Variants in SSBP2 observed in about 807,000 individuals in gnomAD.
SSBP2 encodes single-stranded DNA-binding protein 2.
A neutral mutation model predicts 61.8 loss-of-function variants in SSBP2; 17 were observed. The observed-to-expected ratio is 0.28, with a 90% CI of 0.19 to 0.41. The LOEUF is 0.41. Among genes scored for constraint, SSBP2 ranks in the 10% least tolerant of loss-of-function variants. SSBP2 has a pLI of 1.00. For missense variants in SSBP2, 310 were observed against 458.7 expected (o/e 0.68, Z 2.96); for synonymous variants, 139 against 141.3 (o/e 0.98, Z 0.12).
chr5:81,643,895 G>A (rs1057097964), intron 2 of SSBP2, among the ~76,000 whole-genome samples: 1 of 152,022 alleles, frequency 6.6e-6, no homozygotes, highest in Non-Finnish European at 1.5e-5. Flanking sequence ...GAGCCACCGC[G>A]CCTGGCCCAA....
intron 4 of SSBP2, among the ~76,000 whole-genome samples, chr5:81,592,193 C>T (rs1203527872): frequency 1.3e-5 from 2 of 152,228 alleles, no homozygotes; most frequent in African/African-American, 4.8e-5. Context: ...TTATATCCCG[C>T]ACTTGGCTCG....
intron 10 of SSBP2, among the ~76,000 whole-genome samples, chr5:81,456,509 C>A (rs576178888): frequency 6.6e-6 from 1 of 151,150 alleles, no homozygotes; most frequent in East Asian, 1.9e-4. Context: ...GTTGGTGTTC[C>A]GGACCTTGTA....
intron 4 of SSBP2, among the ~76,000 whole-genome samples, chr5:81,578,869 C>T (rs1774433093): frequency 6.6e-6 from 1 of 151,742 alleles, no homozygotes. Context: ...TAACAAAATG[C>T]CACACTCCCT....
chr5:81,719,585 G>A (rs1447085617), intron 1 of SSBP2, among the ~76,000 whole-genome samples: 17 of 152,124 alleles, frequency 1.1e-4, no homozygotes, highest in Admixed American at 1.1e-3. Flanking sequence ...ATGTACCCAG[G>A]TTTTGTTTTC....
chr5:81,583,543 T>C (rs907217972), intron 4 of SSBP2, among the ~76,000 whole-genome samples: 3 of 147,164 alleles, frequency 2.0e-5, no homozygotes, highest in African/African-American at 5.1e-5. Context: ...GGCAGGAGAA[T>C]GGCATGAACC....
intron 1 of SSBP2, among the ~76,000 whole-genome samples, chr5:81,666,897 T>C (rs778117542): frequency 6.6e-6 from 1 of 152,194 alleles, no homozygotes; most frequent in Non-Finnish European, 1.5e-5. Context: ...TTAATACTTG[T>C]TGACTAACCT....
chr5:81,446,990 T>C (rs1433205120), intron 11 of SSBP2, 68 bp from the exon 12 acceptor site: 12 of 1,106,606 alleles, frequency 1.1e-5, no homozygotes, highest in Middle Eastern at 2.0e-4. Context: ...GTTAGACTTA[T>C]ATCTATAATA....
chr5:81,692,078 T>C (rs1357400927), intron 1 of SSBP2, among the ~76,000 whole-genome samples: 1 of 152,226 alleles, frequency 6.6e-6, no homozygotes, highest in Admixed American at 6.5e-5. Flanking sequence ...TATCCTTGTC[T>C]GCAGATGACT....
intron 2 of SSBP2, among the ~76,000 whole-genome samples, chr5:81,640,596 TAAG>T (rs1208771500): frequency 2.6e-5 from 4 of 152,100 alleles, no homozygotes; most frequent in African/African-American, 9.7e-5. Flanking sequence ...TCATAAAAAA[TAAG>T]AAATAATATT....
Position 81,717,176 on chromosome 5 carries a change from C to T in SSBP2, c.62+33805G>A, listed in dbSNP as rs376968552. Among the ~76,000 whole-genome samples, 401 of 152,164 alleles carry T rather than the reference C, an allele frequency of 2.6e-3. 2 individuals are homozygous for T. The highest frequency in any genetic ancestry group is 9.3e-3 in the African/African-American group (386 of 41,496). ...GATCCTGACCACTTGTTACCAGGGC[C>T]GTTTGTCAGGGTTGTGTCTGCTATG... On this transcript the variant is annotated intron_variant, in intron 1 of 16. Transcript: ENST00000320672.
intron 4 of SSBP2, among the ~76,000 whole-genome samples, chr5:81,601,576 C>G (rs1744364148): frequency 1.3e-5 from 2 of 152,090 alleles, no homozygotes; most frequent in Non-Finnish European, 2.9e-5. Context: ...TGAGATCTCT[C>G]TGTATTATTT....
At chr5:81,540,057 A>G (rs564444630) in intron 4 of SSBP2, among the ~76,000 whole-genome samples, 3 of 152,196 alleles carry the variant, frequency 2.0e-5, no homozygotes, top group South Asian at 4.1e-4. Flanking sequence ...CCATGTCCCT[A>G]CAAAGGACAT....
chr5:81,668,213 C>T (rs1009530953), intron 1 of SSBP2, among the ~76,000 whole-genome samples: 1 of 136,288 alleles, frequency 7.3e-6, no homozygotes, highest in Non-Finnish European at 1.5e-5. Context: ...TCAGCACTAC[C>T]CAGTAGACTT....
chr5:81,456,930 C>T (rs1764203808), intron 10 of SSBP2, among the ~76,000 whole-genome samples: 2 of 152,056 alleles, frequency 1.3e-5, no homozygotes, highest in Non-Finnish European at 1.5e-5. Flanking sequence ...TAGACTGAAC[C>T]CTGTAGGGAT....
intron 1 of SSBP2, among the ~76,000 whole-genome samples, chr5:81,744,185 A>T (rs1437267125): frequency 6.6e-6 from 1 of 152,234 alleles, no homozygotes; most frequent in African/African-American, 2.4e-5. Context: ...ATTTTCTATG[A>T]CAAAACACAA....
intron 1 of SSBP2, among the ~76,000 whole-genome samples, chr5:81,710,079 GA>G (rs1218294957): frequency 1.3e-5 from 2 of 151,570 alleles, no homozygotes; most frequent in South Asian, 2.1e-4. Flanking sequence ...AATTAGAAGA[GA>G]AAAAAAACCA....
At chr5:81,572,427 A>C (rs899225072) in intron 4 of SSBP2, among the ~76,000 whole-genome samples, 22 of 152,204 alleles carry the variant, frequency 1.4e-4, no homozygotes, top group African/African-American at 4.6e-4. Flanking sequence ...CATGCCAAAA[A>C]ACATTCTGAC....
intron 1 of SSBP2, among the ~76,000 whole-genome samples, chr5:81,743,455 ATGAC>A (rs1409208198): frequency 2.0e-5 from 3 of 152,188 alleles, no homozygotes; most frequent in Non-Finnish European, 4.4e-5. Context: ...TATAGTATAT[ATGAC>A]TATTTGAAGT....
At chr5:81,674,983 C>A (rs976242814) in intron 1 of SSBP2, among the ~76,000 whole-genome samples, 1 of 152,106 alleles carries the variant, frequency 6.6e-6, no homozygotes, top group African/African-American at 2.4e-5. Flanking sequence ...TACTGTTGTG[C>A]GCAGAATCTA....
Sources: gnomAD v4.1 joint callset for allele counts (sites outside exome capture counted in the v4.1 genomes callset) on GRCh38, gnomAD v4.1.1 for gene constraint, MANE v1.5 for transcripts, NCBI Gene and HGNC (gene_info 2026-07-23, HGNC 2026-07-21) for gene names.